GRM8: variants seen among roughly 807,000 people sequenced by gnomAD.
GRM8 encodes glutamate metabotropic receptor 8.
Under a neutral mutation model 87.2 loss-of-function variants are expected in GRM8, and 47 were observed. The ratio of observed to expected loss-of-function variants is 0.54; its 90% CI spans 0.43 to 0.69. The LOEUF (loss-of-function observed/expected upper bound fraction) is 0.69. Ranked by LOEUF, GRM8 falls within the 30% of genes least tolerant of loss-of-function variation. The probability of loss-of-function intolerance (pLI) is 0.00; values close to 1 mark genes in which losing one functional copy is unlikely to be tolerated. For synonymous variants in GRM8, 396 were observed against 404.5 expected (o/e 0.98, Z 0.25); for missense variants, 1,019 against 1,139.2 (o/e 0.89, Z 1.52).
chr7:127,185,106 A>C (rs778946441), intron 2 of GRM8, among the ~76,000 whole-genome samples: 24 of 152,256 alleles, frequency 1.6e-4, no homozygotes, highest in Middle Eastern at 3.4e-3. Context: ...TTTATAAATT[A>C]CCTGATTCTA....
intron 6 of GRM8, among the ~76,000 whole-genome samples, chr7:126,780,768 G>A (rs549478303): frequency 1.5e-3 from 230 of 152,072 alleles, no homozygotes; most frequent in Non-Finnish European, 1.3e-3. Flanking sequence ...GCAAATGACC[G>A]GGAGTCTATC....
chr7:126,496,931 A>G (rs963074790), intron 9 of GRM8, among the ~76,000 whole-genome samples: 1 of 151,050 alleles, frequency 6.6e-6, no homozygotes, highest in Non-Finnish European at 1.5e-5. Flanking sequence ...TACTGAATGC[A>G]TATCTGTGCT....
intron 8 of GRM8, among the ~76,000 whole-genome samples, chr7:126,560,708 T>G (rs1322883596): frequency 6.6e-6 from 1 of 152,208 alleles, no homozygotes; most frequent in East Asian, 1.9e-4. Context: ...AATATCATTT[T>G]GAAGTACTAG....
intron 3 of GRM8, among the ~76,000 whole-genome samples, chr7:127,013,397 A>G (rs533718714): frequency 6.6e-6 from 1 of 152,226 alleles, no homozygotes; most frequent in African/African-American, 2.4e-5. Context: ...CCCCTAGTGT[A>G]AACACTTGAC....
At chr7:126,626,845 C>A (rs1376054920) in intron 7 of GRM8, among the ~76,000 whole-genome samples, 3 of 152,006 alleles carry the variant, frequency 2.0e-5, no homozygotes, top group Non-Finnish European at 2.9e-5. Context: ...CAAAGTGAGA[C>A]CTTGTCTCAA....
At chr7:126,790,946 G>A (rs779947328) in intron 6 of GRM8, among the ~76,000 whole-genome samples, 9 of 152,062 alleles carry the variant, frequency 5.9e-5, no homozygotes, top group African/African-American at 9.7e-5. Flanking sequence ...TCTTTCCTGC[G>A]GGGCAGTTGG....
intron 7 of GRM8, among the ~76,000 whole-genome samples, chr7:126,734,702 C>T (rs28750076): frequency 0.33 from 49,308 of 151,662 alleles, 8,645 homozygotes; most frequent in Non-Finnish European, 0.38. Flanking sequence ...CAAGAAAATA[C>T]GTATTTTTAA....
intron 2 of GRM8, among the ~76,000 whole-genome samples, chr7:127,188,282 C>T (rs1384359978): frequency 2.0e-5 from 3 of 152,156 alleles, no homozygotes; most frequent in African/African-American, 7.2e-5. Context: ...AGCCAAATGT[C>T]ATTGGTTCTA....
At chr7:127,021,412 G>A (rs1031376704) in intron 3 of GRM8, among the ~76,000 whole-genome samples, 9 of 151,360 alleles carry the variant, frequency 5.9e-5, no homozygotes, top group Admixed American at 3.3e-4. Flanking sequence ...TTCTCTCCTT[G>A]GTAATTTTTA....
At chr7:126,461,000 T>C (rs1803838370) in intron 9 of GRM8, among the ~76,000 whole-genome samples, 1 of 151,368 alleles carries the variant, frequency 6.6e-6, no homozygotes, top group Non-Finnish European at 1.5e-5. Flanking sequence ...ATCTGAAATA[T>C]CCCTCTTTTT....
At chr7:127,183,582 GAAGA>G (rs2116430558) in intron 2 of GRM8, among the ~76,000 whole-genome samples, 1 of 151,158 alleles carries the variant, frequency 6.6e-6, no homozygotes, top group Admixed American at 6.6e-5. Context: ...TGTTAGAAAA[GAAGA>G]AAGACATAAA....
intron 6 of GRM8, among the ~76,000 whole-genome samples, chr7:126,893,168 A>T (rs1464812739): frequency 6.6e-6 from 1 of 152,032 alleles, no homozygotes; most frequent in African/African-American, 2.4e-5. Flanking sequence ...TTATTTTTTT[A>T]GAAAAACAAA....
At chr7:126,506,011 CCT>C (rs1810411766) in intron 9 of GRM8, among the ~76,000 whole-genome samples, 1 of 151,990 alleles carries the variant, frequency 6.6e-6, no homozygotes, top group Non-Finnish European at 1.5e-5. Context: ...CCTCCTAGCC[CCT>C]GTCAACCACC....
At chr7:127,009,419 G>T (rs1027859280) in intron 3 of GRM8, among the ~76,000 whole-genome samples, 7 of 152,032 alleles carry the variant, frequency 4.6e-5, no homozygotes, top group Non-Finnish European at 1.0e-4. Context: ...CATGTGTATT[G>T]TAACTATGTG....
At chr7:127,118,041 T>C (rs1587069041) in intron 2 of GRM8, among the ~76,000 whole-genome samples, 1 of 152,260 alleles carries the variant, frequency 6.6e-6, no homozygotes, top group African/African-American at 2.4e-5. Flanking sequence ...TTATCCGCAT[T>C]CACAAAATCT....
At chr7:126,635,541 G>C (rs1801771978) in intron 7 of GRM8, among the ~76,000 whole-genome samples, 1 of 151,792 alleles carries the variant, frequency 6.6e-6, no homozygotes, top group South Asian at 2.1e-4. Flanking sequence ...TTAAAATTTG[G>C]GTACATCACA....
At chr7:126,496,397 C>T (rs1046655759) in intron 9 of GRM8, among the ~76,000 whole-genome samples, 4 of 151,992 alleles carry the variant, frequency 2.6e-5, no homozygotes, top group Admixed American at 1.3e-4. Context: ...ACAGGTAGAA[C>T]TAAAACTCAG....
At chr7:127,198,580 G>A (rs1795415256) in intron 2 of GRM8, among the ~76,000 whole-genome samples, 1 of 152,096 alleles carries the variant, frequency 6.6e-6, no homozygotes, top group Admixed American at 6.6e-5. Context: ...ATGTTTTGTG[G>A]TGGGTTTTTG....
At chr7:127,167,806 A>G (rs1466470280) in intron 2 of GRM8, among the ~76,000 whole-genome samples, 2 of 152,100 alleles carry the variant, frequency 1.3e-5, no homozygotes, top group Non-Finnish European at 2.9e-5. Context: ...AATTAGGCCA[A>G]TTAGTAACCA....
Sources: gnomAD v4.1 joint callset for allele counts (sites outside exome capture counted in the v4.1 genomes callset) on GRCh38, gnomAD v4.1.1 for gene constraint, MANE v1.5 for transcripts, NCBI Gene and HGNC (gene_info 2026-07-23, HGNC 2026-07-21) for gene names.